Variants in PIBF1 observed in about 807,000 individuals in gnomAD.
PIBF1 encodes progesterone immunomodulatory binding factor 1.
In PIBF1, 90 loss-of-function variants were observed where a neutral mutation model predicts 112.5. The observed-to-expected ratio is 0.80, with a 90% CI of 0.67 to 0.95. The LOEUF (loss-of-function observed/expected upper bound fraction) is 0.95. Ranked by LOEUF, PIBF1 falls within the 40% of genes least tolerant of loss-of-function variation. The probability of loss-of-function intolerance (pLI) is 0.00; values close to 1 mark genes in which losing one functional copy is unlikely to be tolerated. For missense variants in PIBF1, 915 were observed against 852.3 expected, an observed-to-expected ratio of 1.07 and a Z score of -0.92; for synonymous variants, 301 against 288.6, an observed-to-expected ratio of 1.04 and a Z score of -0.44.
intron 16 of PIBF1, among the ~76,000 whole-genome samples, chr13:72,984,316 A>C (rs1357120348): frequency 6.6e-6 from 1 of 152,178 alleles, no homozygotes; most frequent in African/African-American, 2.4e-5. Context: ...ACCAGTTACA[A>C]ATTACTTTCA....
chr13:72,960,771 T>TA (rs1483452695), intron 14 of PIBF1, among the ~76,000 whole-genome samples: 1 of 152,212 alleles, frequency 6.6e-6, no homozygotes, highest in African/African-American at 2.4e-5. Flanking sequence ...ACAAACTGGT[T>TA]ATACAGGTTA....
intron 16 of PIBF1, among the ~76,000 whole-genome samples, chr13:72,994,511 A>G (rs1381923117): frequency 6.6e-6 from 1 of 152,208 alleles, no homozygotes; most frequent in Non-Finnish European, 1.5e-5. Context: ...TGAGCATCAC[A>G]GTTTCCTTTT....
chr13:72,947,638 A>C (rs12871658), intron 14 of PIBF1, among the ~76,000 whole-genome samples: 3 of 152,042 alleles, frequency 2.0e-5, no homozygotes, highest in Non-Finnish European at 2.9e-5. Flanking sequence ...TTTTTCCCCC[A>C]GAGTGTAAAT....
chr13:72,878,073 G>T lies in PIBF1; in HGVS notation c.1323-15711G>T, dbSNP rs1461570649. Among the ~76,000 whole-genome samples, 3 of 151,576 alleles carry T rather than the reference G, an allele frequency of 2.0e-5. No individual in the cohort carries two copies. In the South Asian group the frequency reaches 6.2e-4, roughly 32 times the overall value. ...CTTCATTTCTGCTATTAGTAATTTA[G>T]GTCCTCTCTTTTTCTTAGTGTAGCT... is the stretch of plus-strand genomic sequence containing the variant. On this transcript the variant is annotated intron_variant, in intron 10 of 17. Transcript: ENST00000326291.
At chr13:72,782,774 T>A (rs1277125881) in intron 1 of PIBF1, among the ~76,000 whole-genome samples, 1 of 152,144 alleles carries the variant, frequency 6.6e-6, no homozygotes, top group Non-Finnish European at 1.5e-5. Context: ...TTTGTCCCCG[T>A]TTTCCCTATT....
chr13:72,795,883 G>GAGTC (rs938076642), intron 4 of PIBF1, among the ~76,000 whole-genome samples: 1 of 152,158 alleles, frequency 6.6e-6, no homozygotes, highest in Admixed American at 6.5e-5. Context: ...TGGGAGAGAG[G>GAGTC]AGTCAGCGTG....
At chr13:72,873,921 A>T (rs2039282975) in intron 10 of PIBF1, among the ~76,000 whole-genome samples, 1 of 152,224 alleles carries the variant, frequency 6.6e-6, no homozygotes, top group Non-Finnish European at 1.5e-5. Flanking sequence ...AACATTTTTT[A>T]AAATGGCCAA....
At chr13:72,903,567 A>G (rs902621609) in intron 11 of PIBF1, among the ~76,000 whole-genome samples, 1 of 152,208 alleles carries the variant, frequency 6.6e-6, no homozygotes, top group South Asian at 2.1e-4. Context: ...AAATATGGCT[A>G]CTTCACTGAG....
intron 13 of PIBF1, among the ~76,000 whole-genome samples, chr13:72,928,411 T>C (rs1405592216): frequency 2.0e-5 from 3 of 152,122 alleles, no homozygotes; most frequent in East Asian, 1.9e-4. Flanking sequence ...AAAGTAGTCC[T>C]GGTGTTAAGG....
intron 11 of PIBF1, among the ~76,000 whole-genome samples, chr13:72,903,400 G>T (rs2040575613): frequency 1.3e-5 from 2 of 152,108 alleles, no homozygotes; most frequent in African/African-American, 4.8e-5. Context: ...ACTGTGCTGG[G>T]CCCAGTTACA....
chr13:72,971,062 A>G (rs2042875372), intron 15 of PIBF1, among the ~76,000 whole-genome samples: 1 of 152,164 alleles, frequency 6.6e-6, no homozygotes, highest in Non-Finnish European at 1.5e-5. Context: ...AAGTTAAAAC[A>G]CGACAATATA....
intron 17 of PIBF1, among the ~76,000 whole-genome samples, chr13:73,006,655 G>A (rs61966238): frequency 0.053 from 8,081 of 152,046 alleles, 306 homozygotes; most frequent in Non-Finnish European, 0.081. Context: ...TTAATTTCTA[G>A]CTCTTTTTTT....
chr13:72,901,347 C>T (rs146332760), intron 11 of PIBF1, among the ~76,000 whole-genome samples: 2 of 152,230 alleles, frequency 1.3e-5, no homozygotes, highest in East Asian at 1.9e-4. Flanking sequence ...AACAAAACCA[C>T]GATACAGTAC....
chr13:72,940,756 C>T (rs1179999555), intron 14 of PIBF1, among the ~76,000 whole-genome samples: 3 of 152,176 alleles, frequency 2.0e-5, no homozygotes, highest in African/African-American at 7.2e-5. Flanking sequence ...TACAACCAAA[C>T]TCTTTGAGTA....
intron 4 of PIBF1, among the ~76,000 whole-genome samples, chr13:72,797,004 C>G (rs12583321): frequency 3.9e-4 from 60 of 152,088 alleles, no homozygotes; most frequent in Non-Finnish European, 1.3e-4. Flanking sequence ...TTACTCTCTC[C>G]TAATTTGCTG....
chr13:72,786,761 A>G (rs2034618205), intron 2 of PIBF1, among the ~76,000 whole-genome samples: 1 of 152,184 alleles, frequency 6.6e-6, no homozygotes, highest in African/African-American at 2.4e-5. Flanking sequence ...CCTGCTGTAT[A>G]TTAGTAGAGT....
At chr13:72,809,332 G>A (rs892877667) in intron 5 of PIBF1, among the ~76,000 whole-genome samples, 5 of 151,414 alleles carry the variant, frequency 3.3e-5, no homozygotes, top group African/African-American at 1.2e-4. Context: ...CTTGGAGAAT[G>A]GAGTATCAAA....
chr13:72,906,537 G>T (rs1566431776), intron 11 of PIBF1, among the ~76,000 whole-genome samples: 1 of 152,058 alleles, frequency 6.6e-6, no homozygotes, highest in African/African-American at 2.4e-5. Context: ...CATTTCAGAA[G>T]CAGTAATAGG....
At chr13:72,840,954 G>A (rs974747183) in intron 9 of PIBF1, among the ~76,000 whole-genome samples, 1 of 152,180 alleles carries the variant, frequency 6.6e-6, no homozygotes, top group Admixed American at 6.5e-5. Flanking sequence ...TATGGAAAAG[G>A]CACATGGAAC....
Sources: gnomAD v4.1 joint callset for allele counts (sites outside exome capture counted in the v4.1 genomes callset) on GRCh38, gnomAD v4.1.1 for gene constraint, MANE v1.5 for transcripts, NCBI Gene and HGNC (gene_info 2026-07-23, HGNC 2026-07-21) for gene names.